LOC128462377: variants seen among roughly 807,000 people sequenced by gnomAD.
the LOC128462377 span, chr16:89,360,731 T>C: frequency 2.0e-5 from 3 of 152,366 alleles, no homozygotes; most frequent in South Asian, 2.1e-4. Flanking sequence ...CAGGTGTGTG[T>C]GTCTGTCATG....
chr16:89,350,832 T>C, the LOC128462377 span, among the ~76,000 whole-genome samples: 1 of 152,182 alleles, frequency 6.6e-6, no homozygotes, highest in Admixed American at 6.5e-5. Context: ...GATGGTGGTA[T>C]GTGCTACCAT....
the LOC128462377 span, among the ~76,000 whole-genome samples, chr16:89,358,389 C>G: frequency 7.5e-3 from 1,138 of 152,346 alleles, 13 homozygotes; most frequent in African/African-American, 0.026. Context: ...GCTTAGCGAC[C>G]ACGTTTCAAA....
At chr16:89,372,328 C>A in the LOC128462377 span, among the ~76,000 whole-genome samples, 2 of 152,198 alleles carry the variant, frequency 1.3e-5, no homozygotes, top group Non-Finnish European at 2.9e-5. Flanking sequence ...GCGACGGATG[C>A]GGCCACCACT....
At chr16:89,352,778 G>A in the LOC128462377 span, among the ~76,000 whole-genome samples, 70 of 152,310 alleles carry the variant, frequency 4.6e-4, no homozygotes, top group African/African-American at 1.5e-3. Context: ...TCTTGAGTGC[G>A]TTTCCTATGT....
chr16:89,360,842 CAGCCTCTCTGCATGA>C, the LOC128462377 span: 6 of 152,404 alleles, frequency 3.9e-5, no homozygotes, highest in South Asian at 2.1e-4. Flanking sequence ...TGGTCAGTCA[CAGCCTCTCTGCATGA>C]AGCCTCTCTG....
the LOC128462377 span, among the ~76,000 whole-genome samples, chr16:89,397,607 T>C: frequency 6.6e-6 from 1 of 152,248 alleles, no homozygotes; most frequent in Non-Finnish European, 1.5e-5. Context: ...GGGGCCCACC[T>C]GCCTCAGGCT....
chr16:89,407,852 C>CAAAAA, the LOC128462377 span, among the ~76,000 whole-genome samples: 2 of 111,440 alleles, frequency 1.8e-5, no homozygotes, highest in Non-Finnish European at 1.8e-5. Flanking sequence ...TGTCTCCCTC[C>CAAAAA]AAAAAAAAAA....
At chr16:89,322,435 T>C in the LOC128462377 span, among the ~76,000 whole-genome samples, 3 of 152,218 alleles carry the variant, frequency 2.0e-5, no homozygotes, top group African/African-American at 7.2e-5. Flanking sequence ...AAATATCGAA[T>C]GGTGCCCAAG....
At chr16:89,333,049 G>A in the LOC128462377 span, among the ~76,000 whole-genome samples, 5 of 152,288 alleles carry the variant, frequency 3.3e-5, no homozygotes, top group African/African-American at 9.6e-5. Flanking sequence ...GAACCCCCAG[G>A]GAAGAAGGGC....
the LOC128462377 span, among the ~76,000 whole-genome samples, chr16:89,355,576 C>A: frequency 6.6e-6 from 1 of 152,040 alleles, no homozygotes; most frequent in Non-Finnish European, 1.5e-5. Context: ...CCCCAGACAT[C>A]GAGTATCACA....
At chr16:89,324,361 C>A in the LOC128462377 span, 1 of 976,166 alleles carries the variant, frequency 1.0e-6, no homozygotes, top group Non-Finnish European at 1.4e-6. Context: ...AGGGAAAAAG[C>A]CAGGAGGGCG....
chr16:89,399,753 G>T, the LOC128462377 span, among the ~76,000 whole-genome samples: 1 of 152,166 alleles, frequency 6.6e-6, no homozygotes, highest in Non-Finnish European at 1.5e-5. Context: ...GGAACCCTCT[G>T]TAATTTATGT....
chr16:89,341,857 C>T, the LOC128462377 span, among the ~76,000 whole-genome samples: 1 of 144,912 alleles, frequency 6.9e-6, no homozygotes, highest in Non-Finnish European at 1.5e-5. Flanking sequence ...GCTGCACCTC[C>T]ACCCACAGCG....
the LOC128462377 span, chr16:89,324,121 C>A: frequency 3.1e-5 from 22 of 713,122 alleles, no homozygotes; most frequent in African/African-American, 3.1e-4. Flanking sequence ...AAGTGCCCCA[C>A]GGCACAACGC....
the LOC128462377 span, among the ~76,000 whole-genome samples, chr16:89,328,785 C>T: frequency 1.2e-4 from 15 of 120,892 alleles, no homozygotes; most frequent in East Asian, 1.4e-3. Context: ...TGAGTGGACA[C>T]ACCCAGGCGC....
chr16:89,397,211 T>A, the LOC128462377 span, among the ~76,000 whole-genome samples: 1 of 152,060 alleles, frequency 6.6e-6, no homozygotes, highest in African/African-American at 2.4e-5. Context: ...GTCCTGAGGA[T>A]GAGGACCTGG....
the LOC128462377 span, among the ~76,000 whole-genome samples, chr16:89,363,106 T>G: frequency 1.3e-5 from 2 of 152,210 alleles, no homozygotes; most frequent in African/African-American, 4.8e-5. Context: ...TACGTTCAAG[T>G]GCTATTTCTT....
the LOC128462377 span, among the ~76,000 whole-genome samples, chr16:89,375,768 T>TAAAAAAA: frequency 1.2e-5 from 1 of 84,558 alleles, no homozygotes; most frequent in African/African-American, 4.3e-5. Flanking sequence ...CTCCGTCTCT[T>TAAAAAAA]AAAAAAAAAA....
At chr16:89,325,533 A>C in the LOC128462377 span, among the ~76,000 whole-genome samples, 1 of 152,192 alleles carries the variant, frequency 6.6e-6, no homozygotes, top group African/African-American at 2.4e-5. Context: ...TGATACATTT[A>C]CATAAATTTC....
Sources: gnomAD v4.1 joint callset for allele counts (sites outside exome capture counted in the v4.1 genomes callset) on GRCh38, gnomAD v4.1.1 for gene constraint, MANE v1.5 for transcripts.